Variants in GAD2 observed in about 807,000 individuals in gnomAD.
GAD2 encodes 65 kDa glutamic acid decarboxylase.
A neutral mutation model predicts 80.1 loss-of-function variants in GAD2; 22 were observed. The observed-to-expected ratio is 0.27, with a 90% CI of 0.20 to 0.39. The LOEUF (loss-of-function observed/expected upper bound fraction) is 0.39, where lower values mean the gene tolerates loss of function less well. Ranked by LOEUF, GAD2 falls within the 10% of genes least tolerant of loss-of-function variation. GAD2 has a pLI of 1.00. For missense variants in GAD2, 624 were observed against 738.4 expected (o/e 0.85, Z 1.80); for synonymous variants, 274 against 256.9 (o/e 1.07, Z -0.64).
At chr10:26,248,910 A>C (rs1034129338) in intron 8 of GAD2, among the ~76,000 whole-genome samples, 7 of 152,252 alleles carry the variant, frequency 4.6e-5, no homozygotes, top group East Asian at 1.9e-4. Context: ...AATAATTTTC[A>C]TTAAAGAACA....
intron 12 of GAD2, among the ~76,000 whole-genome samples, chr10:26,282,645 C>A (rs1845284167): frequency 6.6e-6 from 1 of 152,138 alleles, no homozygotes; most frequent in South Asian, 2.1e-4. Flanking sequence ...CAATGTTTTA[C>A]AGAGTCACTT....
At position 26,217,911 on chromosome 10, in the gene GAD2, G is replaced by A. The variant is rs552818858; in HGVS notation, c.206G>A (p.Arg69Gln). The change falls in exon 3 of 16, where the codon CGG becomes CAG. Residue 69 changes from arginine (R) to glutamine (Q), a missense_variant. Transcript: ENST00000376261. The surrounding 1 kb of genome is among the most constrained non-coding windows in gnomAD (Gnocchi z 4.9). ...AGCCAACCCCCGCGGGCCGCCGCCC[G>A]GAAGGCCGCCTGCGCCTGCGACCAG... is the stretch of plus-strand genomic sequence containing the variant. Reference protein sequence around the residue: ...GGSQPPRAAARKAACACDQKP... With the variant: ...GGSQPPRAAAQKAACACDQKP... 57 of 1,610,812 alleles carry A rather than the reference G, an allele frequency of 3.5e-5. No individual in the cohort carries two copies. The East Asian group carries it at 6.5e-4, about 18-fold the overall frequency.
intron 11 of GAD2, among the ~76,000 whole-genome samples, chr10:26,275,546 G>C (rs2132308407): frequency 6.6e-6 from 1 of 152,186 alleles, no homozygotes; most frequent in South Asian, 2.1e-4. Flanking sequence ...AAAAATGAGG[G>C]GGCTGCTGGT....
At chr10:26,294,845 A>C (rs1267192478) in intron 15 of GAD2, among the ~76,000 whole-genome samples, 3 of 152,162 alleles carry the variant, frequency 2.0e-5, no homozygotes, top group Admixed American at 2.0e-4. Flanking sequence ...TGAGAGGAAA[A>C]AATTCTTATT....
intron 4 of GAD2, among the ~76,000 whole-genome samples, chr10:26,220,076 A>G (rs1423768972): frequency 6.6e-6 from 1 of 152,002 alleles, no homozygotes; most frequent in East Asian, 1.9e-4. Context: ...CCGAGCTTTC[A>G]TGTTATCTAC....
intron 13 of GAD2, among the ~76,000 whole-genome samples, chr10:26,290,978 A>G (rs1834209080): frequency 6.6e-6 from 1 of 152,218 alleles, no homozygotes; most frequent in Admixed American, 6.5e-5. Flanking sequence ...CCCCATAGCA[A>G]GGTCCCAGAC....
At chr10:26,248,977 G>A (rs1844844445) in intron 8 of GAD2, among the ~76,000 whole-genome samples, 1 of 152,168 alleles carries the variant, frequency 6.6e-6, no homozygotes, top group African/African-American at 2.4e-5. Context: ...AGTCAGGAAG[G>A]CCAGTAGGAG....
At chr10:26,274,225 T>C (rs1845171913) in intron 11 of GAD2, among the ~76,000 whole-genome samples, 1 of 152,218 alleles carries the variant, frequency 6.6e-6, no homozygotes, top group Non-Finnish European at 1.5e-5. Flanking sequence ...TCATCTCATG[T>C]TTCATTCCCG....
chr10:26,252,277 G>A (rs914632532), intron 8 of GAD2, among the ~76,000 whole-genome samples: 1 of 152,162 alleles, frequency 6.6e-6, no homozygotes, highest in Non-Finnish European at 1.5e-5. Flanking sequence ...AAAGAGAATA[G>A]TCTGTGTCTT....
chr10:26,244,754 C>T (rs757335865), intron 7 of GAD2, among the ~76,000 whole-genome samples: 2 of 151,788 alleles, frequency 1.3e-5, no homozygotes, highest in African/African-American at 2.4e-5. Flanking sequence ...TTAATGGGCA[C>T]GGAATTTTAG....
At chr10:26,222,092 A>T (rs1844459739) in intron 4 of GAD2, among the ~76,000 whole-genome samples, 2 of 152,242 alleles carry the variant, frequency 1.3e-5, no homozygotes, top group South Asian at 4.1e-4. Flanking sequence ...ATCATCAGGG[A>T]ATGAAATTTT....
chr10:26,216,955 A>G lies in GAD2; in HGVS notation c.76+70A>G. The G allele has an allele frequency of 7.4e-7, 1 of 1,357,486 alleles. No individual in the cohort carries two copies. Among genetic ancestry groups the G allele is most frequent in the Non-Finnish European group, 1.0e-6 (1 of 968,858 alleles). 84.1% of individuals were successfully genotyped at this position (1,357,486 alleles called of 1,614,324 possible). A position where few individuals can be genotyped will look rare whatever the true frequency, so the allele number is the denominator to read the frequency against. Reference sequence around the variant, plus strand: ...GTCTGGGGTTTGCGGAACTACGGAGAAGACGAAGGAGGTTTTTCCACCTGC... The same window carrying G: ...GTCTGGGGTTTGCGGAACTACGGAGGAGACGAAGGAGGTTTTTCCACCTGC... On this transcript the variant is annotated intron_variant, in intron 1 of 15. Coordinates refer to ENST00000376261, the MANE Select transcript of GAD2 (RefSeq NM_001134366.2). This position sits in a 1 kb window ranked among gnomAD's most constrained non-coding sequence, Gnocchi z 4.7.
chr10:26,219,913 T>C lies in GAD2; in HGVS notation c.520+637T>C, dbSNP rs1175901565. 2.6e-5 allele frequency among the ~76,000 whole-genome samples: 4 copies of C among 152,088 alleles called. No individual in the cohort carries two copies. In the East Asian group the frequency reaches 7.7e-4, roughly 29 times the overall value. On this transcript the variant is annotated intron_variant, in intron 4 of 15. Transcript: ENST00000376261. ...GTGTGTTCCTCCCAGCCACTGTATATGTGAGATAAAGAAAAAGGGGGGGAG... is the reference window on the plus strand; with the variant it reads ...GTGTGTTCCTCCCAGCCACTGTATACGTGAGATAAAGAAAAAGGGGGGGAG...
intron 15 of GAD2, among the ~76,000 whole-genome samples, chr10:26,295,188 A>G (rs1834259771): frequency 6.6e-6 from 1 of 152,210 alleles, no homozygotes; most frequent in Non-Finnish European, 1.5e-5. Context: ...ATGAGCTGTA[A>G]TGAAGAATGG....
At chr10:26,265,522 A>C (rs1389494222) in intron 8 of GAD2, among the ~76,000 whole-genome samples, 1 of 151,978 alleles carries the variant, frequency 6.6e-6, no homozygotes, top group African/African-American at 2.4e-5. Context: ...CGACTTCTTA[A>C]AGGCTACTGC....
At chr10:26,271,090 G>A (rs1845131971) in intron 10 of GAD2, among the ~76,000 whole-genome samples, 1 of 152,198 alleles carries the variant, frequency 6.6e-6, no homozygotes, top group African/African-American at 2.4e-5. Context: ...CAGTCCTGCT[G>A]TTCCTCACTT....
chr10:26,223,024 T>C (rs1844472740), intron 4 of GAD2, among the ~76,000 whole-genome samples: 1 of 152,240 alleles, frequency 6.6e-6, no homozygotes, highest in East Asian at 1.9e-4. Flanking sequence ...TAATGACATA[T>C]TTATAATCAC....
At chr10:26,224,398 A>T (rs924222529) in intron 5 of GAD2, 141 bp from the exon 6 acceptor site, 1 of 671,090 alleles carries the variant, frequency 1.5e-6, no homozygotes, top group African/African-American at 1.8e-5. Flanking sequence ...TTTTGAAATA[A>T]TTTTCTCTCT....
At chr10:26,252,999 G>A (rs1844898557) in intron 8 of GAD2, among the ~76,000 whole-genome samples, 1 of 152,014 alleles carries the variant, frequency 6.6e-6, no homozygotes, top group Non-Finnish European at 1.5e-5. Context: ...AACTTTGGGT[G>A]ACAGTTCAAA....
Sources: gnomAD v4.1 joint callset for allele counts (sites outside exome capture counted in the v4.1 genomes callset) on GRCh38, gnomAD v4.1.1 for gene constraint, Gnocchi (gnomAD v3.1) non-coding constraint, MANE v1.5 for transcripts, NCBI Gene and HGNC (gene_info 2026-07-23, HGNC 2026-07-21) for gene names.